TOP1MT: variants seen among roughly 807,000 people sequenced by gnomAD.
TOP1MT encodes the protein DNA topoisomerase I, mitochondrial.
Under a neutral mutation model 73.9 loss-of-function variants are expected in TOP1MT, and 80 were observed. The observed-to-expected ratio is 1.08, with a 90% CI of 0.90 to 1.30. The LOEUF (loss-of-function observed/expected upper bound fraction) is 1.30. TOP1MT is among the 50% of genes most tolerant of loss of function. The pLI, the probability that TOP1MT is intolerant of heterozygous loss-of-function variation, is 0.00. For synonymous variants in TOP1MT, 338 were observed against 326.4 expected (o/e 1.04, Z -0.38); for missense variants, 815 against 808.0 (o/e 1.01, Z -0.10).
intron 10 of TOP1MT, among the ~76,000 whole-genome samples, chr8:143,316,971 G>A (rs1239744310): frequency 6.6e-6 from 1 of 152,200 alleles, no homozygotes; most frequent in East Asian, 1.9e-4. Context: ...GCATCCCACA[G>A]CCCCAGTGCT....
intron 3 of TOP1MT, chr8:143,327,563 C>A (rs970380062): frequency 5.4e-6 from 1 of 183,572 alleles, no homozygotes; most frequent in African/African-American, 2.4e-5. Flanking sequence ...TCGGCCACAA[C>A]CACGGGCTCA....
intron 2 of TOP1MT, among the ~76,000 whole-genome samples, chr8:143,339,969 C>CA (rs1817047469): frequency 4.5e-5 from 3 of 65,986 alleles, no homozygotes; most frequent in African/African-American, 3.2e-4. Flanking sequence ...AGCATTCCCC[C>CA]GTCCCAGCAC....
At chr8:143,315,141 C>G (rs6982982) in intron 12 of TOP1MT, among the ~76,000 whole-genome samples, 2 of 152,204 alleles carry the variant, frequency 1.3e-5, no homozygotes, top group Middle Eastern at 3.4e-3. Flanking sequence ...GAAGACTCTA[C>G]TCCTCCACCT....
At chr8:143,335,173 C>A (rs999318817), upstream of TOP1MT, among the ~76,000 whole-genome samples, 2 of 152,232 alleles carry the variant, frequency 1.3e-5, no homozygotes, top group Admixed American at 6.5e-5. Context: ...GGTCACACGA[C>A]CAGGCCAGTG....
upstream of TOP1MT, chr8:143,359,324 C>G (rs1045635429): frequency 1.0e-6 from 1 of 985,196 alleles, no homozygotes; most frequent in Admixed American, 6.2e-5. Flanking sequence ...CAGGTCACCA[C>G]GCCAGGAGAA....
rs1816849220 is a variant in TOP1MT, at chr8:143,331,324, C to T, written c.138G>A (p.Lys46=). ...KGSGARWEKE[K]HEDGVKWRQL... is the part of the protein sequence containing the mutation. ...GTCTCCACTTCACCCCGTCTTCGTG[C>T]TTCTCCTTCTCCCACCTAAAGACGG... The change falls in exon 2 of 14, where the codon AAG becomes AAA. Residue 46 remains lysine (K), a synonymous_variant. Transcript: ENST00000329245. 1 of 1,611,800 alleles carries T rather than the reference C, an allele frequency of 6.2e-7. No homozygotes were observed. The highest frequency in any genetic ancestry group is 1.3e-5 in the African/African-American group (1 of 75,020).
intron 12 of TOP1MT, 24 bp from the exon 13 acceptor site, chr8:143,310,241 G>C: frequency 6.7e-7 from 1 of 1,484,294 alleles, no homozygotes; most frequent in Non-Finnish European, 8.9e-7. Flanking sequence ...AGGAGGCCGC[G>C]AGGCCCCGCG....
At chr8:143,343,610 C>A in intron 1 of TOP1MT, 1 of 213,980 alleles carries the variant, frequency 4.7e-6, no homozygotes, top group South Asian at 6.9e-5. Context: ...CTGGGACCAT[C>A]TCTGTCCCCA....
chr8:143,309,839 G>C, intron 13 of TOP1MT: 1 of 1,534,784 alleles, frequency 6.5e-7, no homozygotes, highest in Non-Finnish European at 8.7e-7. Context: ...ATGCCTCCGA[G>C]TCCCAGGCCA....
rs767812951 is a variant in TOP1MT at position 143,315,836 on chromosome 8, T to C, written c.1459-15A>G. ...TTTGCCTGGATCTGCAGGAAAAGGGTCCAGACAGGGCTGCCCCTCCCCATC... is the reference window on the plus strand; with the variant it reads ...TTTGCCTGGATCTGCAGGAAAAGGGCCCAGACAGGGCTGCCCCTCCCCATC... On this transcript the variant is annotated splice_polypyrimidine_tract_variant and intron_variant, in intron 11 of 13. Transcript: ENST00000329245. 1.1e-5 allele frequency: 17 copies of C among 1,612,386 alleles called. No individual in the cohort carries two copies. The South Asian group carries it at 1.9e-4, about 18-fold the overall frequency.
chr8:143,352,307 G>A (rs1264161914), intron 1 of TOP1MT, among the ~76,000 whole-genome samples: 1 of 152,222 alleles, frequency 6.6e-6, no homozygotes, highest in Non-Finnish European at 1.5e-5. Context: ...CAGGGCTACA[G>A]TGATGAAGAC....
At chr8:143,339,759 G>A (rs190538531), upstream of TOP1MT, among the ~76,000 whole-genome samples, 497 of 149,848 alleles carry the variant, frequency 3.3e-3, 1 homozygote, top group Non-Finnish European at 4.9e-3. Context: ...GCCTGTGCTG[G>A]TCTAAACTGC....
At chr8:143,322,354 CGCACGCCACACACACAG>C (rs1432780976) in intron 7 of TOP1MT, among the ~76,000 whole-genome samples, 3,664 of 96,182 alleles carry the variant, frequency 0.038, 117 homozygotes, top group Non-Finnish European at 0.051. Flanking sequence ...ACGCCACACA[CGCACGCCACACACACAG>C]GCACGCCACA....
At chr8:143,352,818 C>G (rs570346027) in intron 1 of TOP1MT, among the ~76,000 whole-genome samples, 1 of 152,282 alleles carries the variant, frequency 6.6e-6, no homozygotes, top group Admixed American at 6.5e-5. Context: ...CAAGTCACAG[C>G]CTCACTTCAA....
chr8:143,309,697 C>A, intron 13 of TOP1MT, 154 bp from the exon 14 acceptor site: 1 of 1,514,730 alleles, frequency 6.6e-7, no homozygotes, highest in East Asian at 2.5e-5. Flanking sequence ...CAACCCCACC[C>A]CACGCATGCC....
intron 7 of TOP1MT, among the ~76,000 whole-genome samples, chr8:143,321,924 C>G (rs1563758549): frequency 5.4e-5 from 3 of 55,104 alleles, no homozygotes; most frequent in Admixed American, 2.1e-4. Flanking sequence ...ACGCCACACA[C>G]ATGCACGCCA....
At chr8:143,345,553 C>T (rs1178202647), upstream of TOP1MT, among the ~76,000 whole-genome samples, 1 of 152,244 alleles carries the variant, frequency 6.6e-6, no homozygotes, top group Non-Finnish European at 1.5e-5. Flanking sequence ...GCTATACTCC[C>T]ACACCTCTGG....
intron 7 of TOP1MT, among the ~76,000 whole-genome samples, chr8:143,322,170 GCCACACGCACGCC>G (rs1251879777): frequency 1.6e-5 from 1 of 64,002 alleles, no homozygotes; most frequent in African/African-American, 5.8e-5. Context: ...ACACACGCAT[GCCACACGCACGCC>G]ACACAGGCAC....
At chr8:143,349,576 G>A (rs371722595), upstream of TOP1MT, among the ~76,000 whole-genome samples, 1 of 151,742 alleles carries the variant, frequency 6.6e-6, no homozygotes, top group African/African-American at 2.4e-5. Context: ...TGGTCTGTGT[G>A]TATGCCTGAA....
Sources: gnomAD v4.1 joint callset for allele counts (sites outside exome capture counted in the v4.1 genomes callset) on GRCh38, gnomAD v4.1.1 for gene constraint, MANE v1.5 for transcripts, NCBI Gene and HGNC (gene_info 2026-07-23, HGNC 2026-07-21) for gene names.